HPSE2: variants seen among roughly 807,000 people sequenced by gnomAD.
The protein encoded by HPSE2 is heparanase 2 (inactive), also known as inactive heparanase-2.
A neutral mutation model predicts 60.5 loss-of-function variants in HPSE2; 38 were observed. The observed-to-expected ratio is 0.63, with a 90% CI of 0.48 to 0.82. The LOEUF (loss-of-function observed/expected upper bound fraction) is 0.82, where lower values mean the gene tolerates loss of function less well. HPSE2 is among the 40% of genes least tolerant of loss of function. The probability of loss-of-function intolerance (pLI) is 0.00; values close to 1 mark genes in which losing one functional copy is unlikely to be tolerated. For missense variants in HPSE2, 713 were observed against 740.4 expected (o/e 0.96, Z 0.43); for synonymous variants, 295 against 293.2 (o/e 1.01, Z -0.06).
Position 98,797,269 on chromosome 10 carries a change from A to G in HPSE2, c.611-53213T>C, listed in dbSNP as rs1436619479. 2.0e-5 allele frequency among the ~76,000 whole-genome samples: 3 copies of G among 152,340 alleles called. No homozygotes were observed. The East Asian group carries it at 5.8e-4, about 29-fold the overall frequency. ...ACACAGAGAAAGAATTCAGAATTTT[A>G]TCAGATAAATTTAACAAAGAGCTCG... On this transcript the variant is annotated intron_variant, in intron 3 of 11. Transcript: ENST00000370552.
intron 2 of HPSE2, among the ~76,000 whole-genome samples, chr10:99,186,131 C>CACACACACACACACACACAT (rs1554912923): frequency 2.3e-4 from 34 of 149,514 alleles, no homozygotes; most frequent in East Asian, 9.8e-4. Flanking sequence ...CACACACACA[C>CACACACACACACACACACAT]ACACACACAC....
chr10:98,894,038 G>A (rs1481383556), intron 3 of HPSE2, among the ~76,000 whole-genome samples: 1 of 152,158 alleles, frequency 6.6e-6, no homozygotes, highest in Non-Finnish European at 1.5e-5. Context: ...ATATGCCACA[G>A]ATTGGCCTTC....
At chr10:98,676,167 G>A (rs1014171083) in intron 6 of HPSE2, among the ~76,000 whole-genome samples, 2 of 152,132 alleles carry the variant, frequency 1.3e-5, no homozygotes, top group South Asian at 2.1e-4. Context: ...TAATGTATGC[G>A]ATGTGCTTGG....
At chr10:98,905,566 A>G (rs745351170) in intron 3 of HPSE2, among the ~76,000 whole-genome samples, 44 of 152,166 alleles carry the variant, frequency 2.9e-4, no homozygotes, top group Non-Finnish European at 5.4e-4. Context: ...CATTCAGCCT[A>G]TAGGTATGGA....
intron 3 of HPSE2, among the ~76,000 whole-genome samples, chr10:99,040,558 C>G (rs1957714562): frequency 6.6e-6 from 1 of 151,982 alleles, no homozygotes. Flanking sequence ...CTTTACATAT[C>G]ATTTTGTAAA....
the HPSE2 span, among the ~76,000 whole-genome samples, chr10:99,296,207 A>G: frequency 6.6e-6 from 1 of 152,214 alleles, no homozygotes; most frequent in Non-Finnish European, 1.5e-5. Flanking sequence ...AGTAGTCTGA[A>G]GCATGTAAAC....
chr10:98,605,962 C>G (rs1211541473), intron 9 of HPSE2, among the ~76,000 whole-genome samples: 2 of 152,250 alleles, frequency 1.3e-5, no homozygotes, highest in Admixed American at 1.3e-4. Flanking sequence ...ACCTCCTTAG[C>G]CACACTTTCT....
chr10:98,542,114 C>T (rs1391515613), intron 9 of HPSE2, among the ~76,000 whole-genome samples: 2 of 152,086 alleles, frequency 1.3e-5, no homozygotes, highest in Non-Finnish European at 2.9e-5. Context: ...CGGCCAGGTA[C>T]TCCTCTGAGA....
At chr10:98,640,591 A>T (rs1336332255) in intron 7 of HPSE2, among the ~76,000 whole-genome samples, 1 of 152,236 alleles carries the variant, frequency 6.6e-6, no homozygotes, top group Non-Finnish European at 1.5e-5. Flanking sequence ...CAGAGCTATA[A>T]ATGAGCTATT....
chr10:98,778,587 T>C (rs1196446016), intron 3 of HPSE2, among the ~76,000 whole-genome samples: 2 of 152,038 alleles, frequency 1.3e-5, no homozygotes, highest in African/African-American at 4.8e-5. Flanking sequence ...GAGGTGTAAA[T>C]GGAAACTGTC....
At chr10:99,204,173 GC>G (rs1274428235) in intron 2 of HPSE2, among the ~76,000 whole-genome samples, 2 of 152,054 alleles carry the variant, frequency 1.3e-5, no homozygotes, top group Non-Finnish European at 2.9e-5. Context: ...ATTCATACAG[GC>G]CCCAGGCATG....
At chr10:98,814,255 G>T (rs913895470) in intron 3 of HPSE2, among the ~76,000 whole-genome samples, 1 of 151,510 alleles carries the variant, frequency 6.6e-6, no homozygotes, top group Non-Finnish European at 1.5e-5. Context: ...CCAGTTATTT[G>T]TGACTAATAT....
At chr10:99,039,595 T>G (rs774380204) in intron 3 of HPSE2, among the ~76,000 whole-genome samples, 3 of 151,626 alleles carry the variant, frequency 2.0e-5, no homozygotes, top group Admixed American at 2.0e-4. Context: ...CAGCTGGTAC[T>G]CTGGTCTGTG....
intron 2 of HPSE2, among the ~76,000 whole-genome samples, chr10:99,154,071 G>C (rs909572841): frequency 1.3e-5 from 2 of 150,964 alleles, no homozygotes; most frequent in African/African-American, 4.8e-5. Context: ...AAAAAGAAAT[G>C]AGCAAAGCCT....
intron 9 of HPSE2, among the ~76,000 whole-genome samples, chr10:98,603,991 A>G (rs2133949533): frequency 6.6e-6 from 1 of 152,204 alleles, no homozygotes; most frequent in Middle Eastern, 3.4e-3. Flanking sequence ...AAAGTCTGAG[A>G]CCTAATCATA....
At chr10:98,766,783 G>C (rs756499944) in intron 3 of HPSE2, among the ~76,000 whole-genome samples, 10 of 152,098 alleles carry the variant, frequency 6.6e-5, no homozygotes, top group Admixed American at 5.2e-4. Flanking sequence ...AAATTAGCTG[G>C]GCATGGTGGT....
intron 3 of HPSE2, among the ~76,000 whole-genome samples, chr10:98,989,350 C>T (rs1053868152): frequency 6.6e-6 from 1 of 152,070 alleles, no homozygotes; most frequent in African/African-American, 2.4e-5. Context: ...TTTGTAGGGA[C>T]ATGGATGAAA....
intron 3 of HPSE2, among the ~76,000 whole-genome samples, chr10:98,907,462 C>G (rs1953855325): frequency 6.6e-6 from 1 of 152,076 alleles, no homozygotes; most frequent in East Asian, 1.9e-4. Flanking sequence ...ATAGTGAGAC[C>G]TGCTCTCTAA....
chr10:99,097,817 T>C (rs1843772953), intron 3 of HPSE2, among the ~76,000 whole-genome samples: 9 of 152,144 alleles, frequency 5.9e-5, no homozygotes, highest in Admixed American at 1.3e-4. Context: ...TTTACAGAAA[T>C]TGAATAATAT....
Sources: allele counts gnomAD v4.1 joint callset (sites outside exome capture counted in the v4.1 genomes callset), GRCh38; gene constraint gnomAD v4.1.1; transcripts MANE v1.5; gene names NCBI Gene and HGNC (gene_info 2026-07-23, HGNC 2026-07-21).